Variants in ULK1 observed in about 807,000 individuals in gnomAD.
The protein encoded by ULK1 is serine/threonine-protein kinase ULK1.
A neutral mutation model predicts 117.5 loss-of-function variants in ULK1; 48 were observed. That is an observed-to-expected ratio of 0.41 (90% confidence interval 0.32 to 0.52). The LOEUF (loss-of-function observed/expected upper bound fraction) is 0.52. Among genes scored for constraint, ULK1 ranks in the 20% least tolerant of loss-of-function variants. The pLI is 0.29. For synonymous variants in ULK1, 790 were observed against 637.8 expected, an observed-to-expected ratio of 1.24 and a Z score of -3.60; for missense variants, 1,387 against 1,473.4, an observed-to-expected ratio of 0.94 and a Z score of 0.96.
At position 131,919,592 on chromosome 12, in the gene ULK1, TGAGGGCTGC is replaced by T; in HGVS notation, c.2803+5_2803+13del. The T allele has an allele frequency of 6.2e-7, 1 of 1,611,124 alleles. No individual in the cohort carries two copies. The highest frequency in any genetic ancestry group is 8.5e-7 in the Non-Finnish European group (1 of 1,179,450). On this transcript the variant is annotated splice_donor_5th_base_variant and intron_variant, in intron 25 of 27. Transcript: ENST00000321867. ...GCCTGTCGTCCACTGTGAAGCAGGG[TGAGGGCTGC>T]GACCGCTCAGCCCACATGCCGGGTT...
chr12:131,902,743 G>A lies in ULK1; in HGVS notation c.247-4149G>A, dbSNP rs1435036148. Among the ~76,000 whole-genome samples, 2 of 152,108 alleles carry A rather than the reference G, an allele frequency of 1.3e-5. No homozygotes were observed. The highest frequency in any genetic ancestry group is 1.5e-5 in the Non-Finnish European group (1 of 68,004). On this transcript the variant is annotated intron_variant, in intron 3 of 27. Transcript: ENST00000321867. This position sits in a 1 kb window ranked among gnomAD's most constrained non-coding sequence, Gnocchi z 6.3. ...TGTGTTTGATTAGGGCATGGGCGGT[G>A]TGGCCACAACTGTGTGTGTCACCAC...
rs773260018 is a variant in ULK1 at position 131,909,783 on chromosome 12, C to G, written c.675C>G (p.Ser225Arg). The change falls in exon 9 of 28, where the codon AGC (serine) becomes AGG (arginine). Residue 225 changes from serine (S) to arginine (R), a missense_variant. By Grantham distance (110) the Ser-to-Arg change is moderately radical. Transcript: ENST00000321867. ...TGTCCCCGTCCCCGCAGGCCAGCAG[C>G]CCCCAGGACCTGCGCCTGTTCTACG... is the stretch of plus-strand genomic sequence containing the variant. ...LTGKAPFQASSPQDLRLFYEK... is the reference protein window; with the variant it reads ...LTGKAPFQASRPQDLRLFYEK... 6.2e-7 allele frequency: 1 copy of G among 1,607,308 alleles called. No homozygotes were observed. Among genetic ancestry groups the G allele is most frequent in the Non-Finnish European group, 8.5e-7 (1 of 1,177,294 alleles).
intron 15 of ULK1, 83 bp from the exon 16 acceptor site, chr12:131,914,269 C>T (rs1889673792): frequency 1.3e-6 from 2 of 1,565,270 alleles, no homozygotes; most frequent in Non-Finnish European, 1.7e-6. Context: ...TGGGCCTAGG[C>T]TTTCTTCTGG....
chr12:131,914,805 G>A (rs1025123500), intron 16 of ULK1, among the ~76,000 whole-genome samples: 9 of 152,170 alleles, frequency 5.9e-5, no homozygotes, highest in African/African-American at 1.9e-4. Flanking sequence ...TCTGGCAGGG[G>A]ATGGAGACTT....
chr12:131,910,884 G>T, intron 12 of ULK1, 84 bp downstream of exon 12: 1 of 1,573,652 alleles, frequency 6.4e-7, no homozygotes, highest in African/African-American at 1.3e-5. Context: ...GCGGGGACGT[G>T]CTGTGACTTC....
chr12:131,919,450 C>G lies in ULK1; in HGVS notation c.2685-22C>G, dbSNP rs1366212424. On this transcript the variant is annotated intron_variant, in intron 24 of 27. Coordinates refer to ENST00000321867, the MANE Select transcript of ULK1 (RefSeq NM_003565.4). ...GGGGGCCAGGACCAACCGGCCTCCT[C>G]TGATCTGCCTGCCGCCCCCAGCTTC... is the stretch of plus-strand genomic sequence containing the variant. The G allele has an allele frequency of 1.9e-6, 3 of 1,604,944 alleles. No individual in the cohort carries two copies. The Admixed American group carries it at 5.0e-5, about 27-fold the overall frequency.
chr12:131,903,553 A>G lies in ULK1; in HGVS notation c.247-3339A>G, dbSNP rs1889165075. On this transcript the variant is annotated intron_variant, in intron 3 of 27. Transcript: ENST00000321867. The surrounding 1 kb of genome is among the most constrained non-coding windows in gnomAD (Gnocchi z 6.0). ...CCTGGTGTGCCCCGATGCCCAGCTC[A>G]GGGAGTTGGATGCCCACAGCCCTGA... Among the ~76,000 whole-genome samples the G allele has an allele frequency of 1.3e-5, 2 of 152,134 alleles. No homozygotes were observed. Among genetic ancestry groups the G allele is most frequent in the Admixed American group, 1.3e-4 (2 of 15,282 alleles).
At chr12:131,896,663 CG>C (rs1448570157) in intron 3 of ULK1, 1 of 152,288 alleles carries the variant, frequency 6.6e-6, no homozygotes, top group African/African-American at 2.4e-5. Context: ...CCAGGTCCAG[CG>C]AGTACCTGGA....
intron 5 of ULK1, 59 bp downstream of exon 5, chr12:131,907,590 G>T: frequency 6.4e-7 from 1 of 1,571,058 alleles, no homozygotes; most frequent in South Asian, 1.1e-5. Flanking sequence ...CCGCACCCAG[G>T]GCCACACTGG....
chr12:131,916,442 C>G lies in ULK1; in HGVS notation c.1923C>G (p.Asn641Lys). The change falls in exon 20 of 28, where the codon AAC (asparagine) becomes AAG (lysine). Residue 641 changes from asparagine to lysine, a missense_variant. By Grantham distance (94) the Asn-to-Lys change is moderately conservative. Coordinates refer to ENST00000321867, the MANE Select transcript of ULK1 (RefSeq NM_003565.4). ...FDFPKTPSSQ[N>K]LLALLARQGV... ...TCCCGAAGACCCCCAGCTCCCAGAA[C>G]CTGCTGGCCCTCCTAGCCCGGCAGG... 1.9e-6 allele frequency: 3 copies of G among 1,607,790 alleles called. No individual in the cohort carries two copies. Among genetic ancestry groups the G allele is most frequent in the Non-Finnish European group, 2.5e-6 (3 of 1,177,804 alleles).
intron 3 of ULK1, chr12:131,896,917 GCTACA>G (rs1184593515): frequency 1.3e-5 from 2 of 152,620 alleles, no homozygotes; most frequent in Non-Finnish European, 2.9e-5. Flanking sequence ...TCCACCCTGG[GCTACA>G]CTGCCTGCTG....
Position 131,915,321 on chromosome 12 carries a change from C to CTCT in ULK1, c.1523-12_1523-10dup, listed in dbSNP as rs925514085. The CTCT allele has an allele frequency of 1.2e-6, 2 of 1,612,486 alleles. No homozygotes were observed. The highest frequency in any genetic ancestry group is 2.7e-5 in the African/African-American group (2 of 74,958). On this transcript the variant is annotated splice_polypyrimidine_tract_variant and intron_variant, in intron 17 of 27. Transcript: ENST00000321867. ...GTCCCAGCTGGACCCTGACAGATCT[C>CTCT]TCTTTTCCCCAAGTTGGAACCATCC...
At chr12:131,909,082 C>A in intron 7 of ULK1, 54 bp from the exon 8 acceptor site, 1 of 1,604,424 alleles carries the variant, frequency 6.2e-7, no homozygotes, top group Admixed American at 1.7e-5. Flanking sequence ...TGGCGGGCAC[C>A]TTCTGTGGTT....
At position 131,913,684 on chromosome 12, in the gene ULK1, G is replaced by A. The variant is rs573503603; in HGVS notation, c.1158-63G>A. 3.5e-3 allele frequency: 4,364 copies of A among 1,256,694 alleles called. 13 individuals carry two copies. The highest frequency in any genetic ancestry group is 4.0e-3 in the Non-Finnish European group (3,789 of 939,422). 77.8% of individuals were successfully genotyped at this position (1,256,694 alleles called of 1,614,324 possible). A position where few individuals can be genotyped will look rare whatever the true frequency, so the allele number is the denominator to read the frequency against. The stretch of plus-strand genomic sequence containing the variant: ...TGCGCCACTGCACTCCAGCCTGGGT[G>A]ACAGAGTGAGACTGCCCCAAAAAAA... On this transcript the variant is annotated intron_variant, in intron 14 of 27. Transcript: ENST00000321867.
intron 8 of ULK1, 28 bp downstream of exon 8, chr12:131,909,265 G>A: frequency 1.9e-6 from 3 of 1,542,804 alleles, no homozygotes; most frequent in South Asian, 2.4e-5. Context: ...TGCTCCCCAC[G>A]CCGCACCGTC....
chr12:131,909,112 C>G, intron 7 of ULK1, 24 bp from the exon 8 acceptor site: 1 of 1,600,888 alleles, frequency 6.2e-7, no homozygotes, highest in Non-Finnish European at 8.5e-7. Flanking sequence ...GGGCCTCACA[C>G]TGACCCGACT....
chr12:131,913,988 C>A, intron 15 of ULK1, 152 bp downstream of exon 15: 2 of 730,008 alleles, frequency 2.7e-6, no homozygotes, highest in South Asian at 2.7e-5. Context: ...TCTGCTGGGT[C>A]GTCCTGCAGA....
In ULK1 at chr12:131,921,496, C is replaced by A; in HGVS notation, c.*135C>A. On this transcript the variant is annotated 3_prime_UTR_variant, in exon 28 of 28. Coordinates refer to ENST00000321867, the MANE Select transcript of ULK1 (RefSeq NM_003565.4). ...CCCTGCCCTGGGCCCCACGGACAGT[C>A]AGCCTGCCGGCCTCCCTGCAGCTCA... The A allele has an allele frequency of 1.5e-6, 2 of 1,359,848 alleles. No homozygotes were observed. The highest frequency in any genetic ancestry group is 1.2e-5 in the South Asian group (1 of 81,420). The allele number at this position is 1,359,848 out of a possible 1,614,324, so 84.2% of individuals were successfully genotyped here.
In ULK1 at chr12:131,916,531, A is replaced by T. The variant is rs1485813987; in HGVS notation, c.2012A>T (p.His671Leu). The change falls in exon 20 of 28, where the codon CAT (histidine) becomes CTT (leucine). Residue 671 changes from histidine (H) to leucine (L), a missense_variant. His to Leu is a moderately conservative substitution (Grantham distance 99). This residue lies in a region of ULK1 where 900 missense variants were observed against 858.9 expected (regional missense o/e 1.05). Transcript: ENST00000321867. ...GACCTCTCGGAGGTGGGACCCTTCC[A>T]TGGTCAGCCGTTGGGCCCTGGCCTG... The part of the protein sequence containing the change: ...LPDLSEVGPF[H>L]GQPLGPGLRP... The T allele has an allele frequency of 6.2e-7, 1 of 1,610,422 alleles. No individual in the cohort carries two copies. Among genetic ancestry groups the T allele is most frequent in the Non-Finnish European group, 8.5e-7 (1 of 1,179,570 alleles).
Sources: allele counts gnomAD v4.1 joint callset (sites outside exome capture counted in the v4.1 genomes callset), GRCh38; gene constraint gnomAD v4.1.1; regional missense constraint gnomAD v4.1.1; non-coding constraint Gnocchi (gnomAD v3.1); transcripts MANE v1.5; gene names NCBI Gene and HGNC (gene_info 2026-07-23, HGNC 2026-07-21).